Variants in USP46 observed in about 807,000 individuals in gnomAD.
USP46 encodes ubiquitin specific peptidase 46, also known as ubiquitin carboxyl-terminal hydrolase 46.
A neutral mutation model predicts 44.4 loss-of-function variants in USP46; 12 were observed. The ratio of observed to expected loss-of-function variants is 0.27; its 90% CI spans 0.17 to 0.44. The LOEUF is 0.44. Ranked by LOEUF, USP46 falls within the 20% of genes least tolerant of loss-of-function variation. The pLI is 1.00. For missense variants in USP46, 248 were observed against 444.8 expected, an observed-to-expected ratio of 0.56 and a Z score of 3.98; for synonymous variants, 155 against 161.5, an observed-to-expected ratio of 0.96 and a Z score of 0.31.
intron 7 of USP46, among the ~76,000 whole-genome samples, chr4:52,599,425 C>T (rs73248658): frequency 0.012 from 1,897 of 151,906 alleles, 20 homozygotes; most frequent in Non-Finnish European, 0.018. Flanking sequence ...GTGAGCGAGG[C>T]GGGGAAGACC....
At chr4:52,652,256 G>C (rs1718794038) in intron 1 of USP46, among the ~76,000 whole-genome samples, 2 of 152,188 alleles carry the variant, frequency 1.3e-5, no homozygotes, top group Admixed American at 1.3e-4. Flanking sequence ...CTGCAAACAT[G>C]TGAAGCAACT....
At chr4:52,635,614 T>C (rs1718083571) in intron 1 of USP46, among the ~76,000 whole-genome samples, 1 of 152,222 alleles carries the variant, frequency 6.6e-6, no homozygotes, top group South Asian at 2.1e-4. Flanking sequence ...TCTTTCTTTC[T>C]TGCTAATGAC....
Position 52,593,525 on chromosome 4 carries a change from G to A in USP46, c.*4115C>T, listed in dbSNP as rs3733505. ...ATGACAATCTTCTGTCCACCCACAG[G>A]TGCCCTGGGTGATTGACAGGGAAAA... On this transcript the variant is annotated 3_prime_UTR_variant, in exon 9 of 9. Transcript: ENST00000441222. 0.14 allele frequency: 21,330 copies of A among 152,314 alleles called. 1,525 individuals carry two copies. The highest frequency in any genetic ancestry group is 0.19 in the African/African-American group (7,995 of 41,548). 9.4% of individuals were successfully genotyped at this position (152,314 alleles called of 1,614,324 possible).
In USP46 at chr4:52,656,308, C is replaced by T. The variant is rs1387001726; in HGVS notation, c.36+2807G>A. ...GTAAGACACCTACCTGAAAACAATT[C>T]ATTATTGAGCAAAGAATCTAAAGAG... On this transcript the variant is annotated intron_variant, in intron 1 of 8. Transcript: ENST00000441222. The T allele has an allele frequency of 3.9e-6, 6 of 1,551,228 alleles. No homozygotes were observed. The South Asian group carries it at 4.8e-5, about 12-fold the overall frequency.
Position 52,632,968 on chromosome 4 carries a change from G to GAAAT in USP46, c.37-1825_37-1824insATTT. 4.0e-5 allele frequency among the ~76,000 whole-genome samples: 3 copies of GAAAT among 74,832 alleles called. No individual in the cohort carries two copies. The South Asian group carries it at 1.6e-3, about 40-fold the overall frequency. 49.1% of individuals were successfully genotyped at this position (74,832 alleles called of 152,430 possible). The stretch of plus-strand genomic sequence containing the variant: ...AGAAAGAAAGAAAGAAAGAAAGAAA[G>GAAAT]AAAGAAAGAAAGAAAGAAAAGAAAA... On this transcript the variant is annotated intron_variant, in intron 1 of 8. Transcript: ENST00000441222.
At chr4:52,651,348 C>A (rs1718765520) in intron 1 of USP46, among the ~76,000 whole-genome samples, 1 of 151,888 alleles carries the variant, frequency 6.6e-6, no homozygotes, top group African/African-American at 2.4e-5. Context: ...ATTCCAGAGC[C>A]CCAACTAAGA....
chr4:52,645,619 A>G (rs1376236290), intron 1 of USP46, among the ~76,000 whole-genome samples: 1 of 152,124 alleles, frequency 6.6e-6, no homozygotes, highest in Non-Finnish European at 1.5e-5. Context: ...ATGCTGCCTG[A>G]ATTATCATGT....
intron 4 of USP46, among the ~76,000 whole-genome samples, chr4:52,617,406 C>G (rs1717195445): frequency 6.6e-6 from 1 of 152,134 alleles, no homozygotes; most frequent in African/African-American, 2.4e-5. Context: ...CTGTTGGATG[C>G]AAATCTTTTT....
At position 52,658,542 on chromosome 4, in the gene USP46, C is replaced by A. The variant is rs944902300; in HGVS notation, c.36+573G>T. ...GATGGGGAAACTGAGGCATGCGGAG[C>A]AAATTACGGTGCTTTTTCAAACCAG... On this transcript the variant is annotated intron_variant, in intron 1 of 8. Transcript: ENST00000441222. Among the ~76,000 whole-genome samples the A allele has an allele frequency of 2.6e-5, 4 of 152,210 alleles. No homozygotes were observed. The East Asian group carries it at 7.7e-4, about 29-fold the overall frequency.
At chr4:52,631,456 G>A (rs557999616) in intron 1 of USP46, among the ~76,000 whole-genome samples, 16 of 152,212 alleles carry the variant, frequency 1.1e-4, no homozygotes, top group African/African-American at 2.6e-4. Context: ...AATAAAACAC[G>A]GGCATTTCAA....
intron 4 of USP46, among the ~76,000 whole-genome samples, chr4:52,618,989 G>A (rs920885127): frequency 3.3e-5 from 5 of 152,066 alleles, no homozygotes; most frequent in Admixed American, 1.3e-4. Context: ...GAGATTTGTA[G>A]AGCAAAAGCT....
chr4:52,602,132 C>A, intron 6 of USP46, 78 bp from the exon 7 acceptor site: 1 of 1,477,230 alleles, frequency 6.8e-7, no homozygotes, highest in African/African-American at 1.4e-5. Context: ...TCTGCACAAA[C>A]AGAATAGTAG....
At chr4:52,601,000 C>T (rs1577657050) in intron 7 of USP46, among the ~76,000 whole-genome samples, 1 of 152,162 alleles carries the variant, frequency 6.6e-6, no homozygotes, top group East Asian at 1.9e-4. Flanking sequence ...GTTTCTGATG[C>T]CATCTACCCT....
rs369565312 is a variant in USP46, at chr4:52,638,353, A to C, written c.37-7209T>G. Among the ~76,000 whole-genome samples, 753 of 152,236 alleles carry C rather than the reference A, an allele frequency of 4.9e-3. 8 individuals carry two copies. Among genetic ancestry groups the C allele is most frequent in the African/African-American group, 0.018 (729 of 41,532 alleles). ...GCAGCCTCTACAAACTAGAAAAGGC[A>C]AGGAAATAGATTCTCCCCTAGAGCC... On this transcript the variant is annotated intron_variant, in intron 1 of 8. Transcript: ENST00000441222.
Position 52,659,242 on chromosome 4 carries a change from G to C in USP46, c.-92C>G. ...GGCGCGCTGGCGGGGAGGCCGGGCG[G>C]CAGCGCGGCGGCCTGGGGTCCGGCT... On this transcript the variant is annotated 5_prime_UTR_variant, in exon 1 of 9. Coordinates refer to ENST00000441222, the MANE Select transcript of USP46 (RefSeq NM_022832.4). The surrounding 1 kb of genome is among the most constrained non-coding windows in gnomAD (Gnocchi z 4.2). 7.2e-7 allele frequency: 1 copy of C among 1,393,224 alleles called. No homozygotes were observed. Among genetic ancestry groups the C allele is most frequent in the African/African-American group, 1.5e-5 (1 of 66,076 alleles). 86.3% of individuals were successfully genotyped at this position (1,393,224 alleles called of 1,614,324 possible).
rs999492328 is a variant in USP46 at position 52,592,740 on chromosome 4, G to C, written c.*4900C>G. The C allele has an allele frequency of 5.0e-6, 2 of 396,302 alleles. No homozygotes were observed. Among genetic ancestry groups the C allele is most frequent in the African/African-American group, 4.1e-5 (2 of 48,546 alleles). 24.5% of individuals were successfully genotyped at this position (396,302 alleles called of 1,614,324 possible). On this transcript the variant is annotated 3_prime_UTR_variant, in exon 9 of 9. Coordinates refer to ENST00000441222, the MANE Select transcript of USP46 (RefSeq NM_022832.4). ...TGTAGTCCCAGCTACTTGGGAGGCT[G>C]AGGCAGAAGAATCGCTTGAACTCGG... is the stretch of plus-strand genomic sequence containing the variant.
At chr4:52,626,456 G>A (rs2109629312) in intron 3 of USP46, among the ~76,000 whole-genome samples, 1 of 152,014 alleles carries the variant, frequency 6.6e-6, no homozygotes, top group South Asian at 2.1e-4. Context: ...TTGAGTAGCT[G>A]GACTACAGGT....
At chr4:52,598,829 T>C (rs1308567064) in intron 7 of USP46, 123 bp from the exon 8 acceptor site, 9 of 849,530 alleles carry the variant, frequency 1.1e-5, no homozygotes, top group East Asian at 2.7e-5. Flanking sequence ...CGTAAAGAAC[T>C]TGGCATATAG....
chr4:52,645,459 C>T (rs370085263), intron 1 of USP46, among the ~76,000 whole-genome samples: 1 of 152,106 alleles, frequency 6.6e-6, no homozygotes, highest in Non-Finnish European at 1.5e-5. Context: ...ACTAAAACTT[C>T]AAGTCAAAAG....
Sources: allele counts gnomAD v4.1 joint callset (sites outside exome capture counted in the v4.1 genomes callset), GRCh38; gene constraint gnomAD v4.1.1; non-coding constraint Gnocchi (gnomAD v3.1); transcripts MANE v1.5; gene names NCBI Gene and HGNC (gene_info 2026-07-23, HGNC 2026-07-21).